LRRIQ3: variants seen among roughly 807,000 people sequenced by gnomAD.
The protein encoded by LRRIQ3 is leucine-rich repeat and IQ domain-containing protein 3.
Under a neutral mutation model 59.3 loss-of-function variants are expected in LRRIQ3, and 75 were observed. That is an observed-to-expected ratio of 1.26 (90% CI 1.05 to 1.53). LRRIQ3 has a LOEUF of 1.53. Ranked by LOEUF, LRRIQ3 falls within the 40% of genes most tolerant of loss-of-function variation. The probability of loss-of-function intolerance (pLI) is 0.00; values close to 1 mark genes in which losing one functional copy is unlikely to be tolerated. For synonymous variants in LRRIQ3, 250 were observed against 231.3 expected (o/e 1.08, Z -0.73); for missense variants, 831 against 710.0 (o/e 1.17, Z -1.94).
chr1:74,134,877 G>A (rs1013936895), intron 4 of LRRIQ3, among the ~76,000 whole-genome samples: 1 of 151,868 alleles, frequency 6.6e-6, no homozygotes, highest in Non-Finnish European at 1.5e-5. Flanking sequence ...AGGAAAAATG[G>A]TGGATGTAAG....
In LRRIQ3 at chr1:74,183,643, T is replaced by C. The variant is rs1476814491; in HGVS notation, c.42A>G (p.Glu14=). ...TGTTTTCATTATAGTGACTCCATTCTTCATGACTGGTTAGCTCTTCTGTGA... is the reference window on the plus strand; with the variant it reads ...TGTTTTCATTATAGTGACTCCATTCCTCATGACTGGTTAGCTCTTCTGTGA... ...GTVTEELTSH[E]EWSHYNENIR... The change falls in exon 2 of 8, where the codon GAA becomes GAG. Residue 14 remains glutamate, a synonymous_variant. Transcript: ENST00000354431. The C allele has an allele frequency of 1.2e-6, 2 of 1,609,812 alleles. No individual in the cohort carries two copies. Among genetic ancestry groups the C allele is most frequent in the Non-Finnish European group, 1.7e-6 (2 of 1,177,718 alleles).
chr1:74,071,568 C>T (rs185599538), intron 6 of LRRIQ3, among the ~76,000 whole-genome samples: 3 of 152,206 alleles, frequency 2.0e-5, no homozygotes, highest in African/African-American at 7.2e-5. Flanking sequence ...CAGATGTCTC[C>T]TTGTTTCATT....
chr1:74,166,250 C>A (rs1232956476), intron 3 of LRRIQ3, among the ~76,000 whole-genome samples: 1 of 151,252 alleles, frequency 6.6e-6, no homozygotes, highest in Non-Finnish European at 1.5e-5. Context: ...TACAATTATT[C>A]AAATTATCTA....
chr1:74,069,100 G>C (rs555028999), intron 6 of LRRIQ3, among the ~76,000 whole-genome samples: 1 of 152,114 alleles, frequency 6.6e-6, no homozygotes, highest in South Asian at 2.1e-4. Context: ...TTAAACTTTT[G>C]ACCTTTTTGG....
intron 3 of LRRIQ3, among the ~76,000 whole-genome samples, chr1:74,168,296 C>T (rs1031458316): frequency 6.6e-6 from 1 of 151,864 alleles, no homozygotes; most frequent in African/African-American, 2.4e-5. Flanking sequence ...AATGGCTATG[C>T]CTTATTAGTA....
chr1:74,166,296 T>A (rs985608343), intron 3 of LRRIQ3, among the ~76,000 whole-genome samples: 3 of 151,670 alleles, frequency 2.0e-5, no homozygotes, highest in African/African-American at 7.3e-5. Flanking sequence ...TTTGTGTTTT[T>A]TTTTCTGTAG....
At chr1:74,065,427 T>G (rs1654839744) in intron 6 of LRRIQ3, among the ~76,000 whole-genome samples, 1 of 152,064 alleles carries the variant, frequency 6.6e-6, no homozygotes, top group Admixed American at 6.6e-5. Flanking sequence ...AGGTGAATCA[T>G]AATCCTAGAA....
intron 4 of LRRIQ3, among the ~76,000 whole-genome samples, chr1:74,112,071 G>A (rs949707733): frequency 2.6e-5 from 4 of 152,076 alleles, no homozygotes; most frequent in African/African-American, 7.2e-5. Flanking sequence ...GTAAGATAGC[G>A]ATTCTGAGAC....
rs376436344 is a variant in LRRIQ3 at position 74,074,583 on chromosome 1, T to C, written c.997+78A>G. 12 of 631,400 alleles carry C rather than the reference T, an allele frequency of 1.9e-5. No individual in the cohort carries two copies. In the South Asian group the frequency reaches 5.5e-4, roughly 29 times the overall value. The allele number at this position is 631,400 out of a possible 1,614,324, so 39.1% of individuals were successfully genotyped here. On this transcript the variant is annotated intron_variant, in intron 6 of 7. Transcript: ENST00000354431. ...TTGGATTTATACTTGCAAATCAACA[T>C]GCCCAATTTCTAATTATATTATTTA...
At chr1:74,142,563 AGG>A (rs1647305168) in intron 4 of LRRIQ3, among the ~76,000 whole-genome samples, 1 of 152,038 alleles carries the variant, frequency 6.6e-6, no homozygotes, top group Non-Finnish European at 1.5e-5. Flanking sequence ...AACAGATATA[AGG>A]CTGACTGTTA....
intron 3 of LRRIQ3, among the ~76,000 whole-genome samples, chr1:74,157,017 CAAA>C (rs901903721): frequency 6.7e-6 from 1 of 148,752 alleles, no homozygotes; most frequent in African/African-American, 2.5e-5. Context: ...TTACAGGAAA[CAAA>C]AAAAAAATCA....
intron 1 of LRRIQ3, among the ~76,000 whole-genome samples, chr1:74,188,737 T>A (rs980064238): frequency 1.3e-5 from 2 of 152,152 alleles, no homozygotes; most frequent in Non-Finnish European, 2.9e-5. Flanking sequence ...TTTCAATAAA[T>A]GTCTCTTTCA....
intron 1 of LRRIQ3, among the ~76,000 whole-genome samples, chr1:74,196,108 C>T (rs562182794): frequency 1.3e-5 from 2 of 151,954 alleles, no homozygotes; most frequent in East Asian, 1.9e-4. Context: ...ATTTTGATTG[C>T]ATGATATAGT....
At position 74,198,033 on chromosome 1, in the gene LRRIQ3, C is replaced by G. The variant is rs1651345190; in HGVS notation, c.-38G>C. 1.4e-6 allele frequency: 1 copy of G among 731,356 alleles called. No homozygotes were observed. Among genetic ancestry groups the G allele is most frequent in the African/African-American group, 1.8e-5 (1 of 56,430 alleles). 45.3% of individuals were successfully genotyped at this position (731,356 alleles called of 1,614,324 possible). A position where few individuals can be genotyped will look rare whatever the true frequency, so the allele number is the denominator to read the frequency against. On this transcript the variant is annotated 5_prime_UTR_variant, in exon 1 of 8. Transcript: ENST00000354431. The stretch of plus-strand genomic sequence containing the variant: ...GCTGCAAGCCCTTATGAGTTGGAGA[C>G]AAGTGGCCCAGCCCCAACACAGTCA...
intron 3 of LRRIQ3, among the ~76,000 whole-genome samples, chr1:74,170,988 T>A (rs980302464): frequency 1.3e-5 from 2 of 152,262 alleles, no homozygotes; most frequent in East Asian, 3.9e-4. Context: ...TATTAATGTA[T>A]AAAAATGTAA....
intron 4 of LRRIQ3, among the ~76,000 whole-genome samples, chr1:74,143,328 T>C (rs1230114111): frequency 2.0e-5 from 3 of 151,958 alleles, no homozygotes; most frequent in Non-Finnish European, 2.9e-5. Context: ...TGACAAATAG[T>C]AGAAGAAAGC....
intron 4 of LRRIQ3, among the ~76,000 whole-genome samples, chr1:74,120,474 C>T (rs1405929453): frequency 6.6e-6 from 1 of 151,894 alleles, no homozygotes; most frequent in African/African-American, 2.4e-5. Flanking sequence ...TAAAATTTTC[C>T]ATTTATATGC....
chr1:74,089,654 G>A (rs1318016574), intron 5 of LRRIQ3, among the ~76,000 whole-genome samples: 2 of 152,168 alleles, frequency 1.3e-5, no homozygotes, highest in Middle Eastern at 3.4e-3. Context: ...TTAATGGAGA[G>A]AGAAAATAGA....
chr1:74,181,223 C>G (rs1649958990), intron 3 of LRRIQ3: 1 of 155,922 alleles, frequency 6.4e-6, no homozygotes, highest in African/African-American at 2.4e-5. Flanking sequence ...TATATCAATC[C>G]TAATCACATC....
Sources: gnomAD v4.1 joint callset for allele counts (sites outside exome capture counted in the v4.1 genomes callset) on GRCh38, gnomAD v4.1.1 for gene constraint, MANE v1.5 for transcripts, NCBI Gene and HGNC (gene_info 2026-07-23, HGNC 2026-07-21) for gene names.